The following SLC38A5 variants were observed in gnomAD, a reference collection of about 807,000 sequenced individuals.
SLC38A5 encodes the protein solute carrier family 38 member 5, also known as sodium-coupled neutral amino acid transporter 5.
A neutral mutation model predicts 34.6 loss-of-function variants in SLC38A5; 9 were observed. The observed-to-expected ratio is 0.26, with a 90% CI of 0.16 to 0.45. The LOEUF is 0.45. Ranked by LOEUF, SLC38A5 falls within the 20% of genes least tolerant of loss-of-function variation. SLC38A5 has a pLI of 1.00. For synonymous variants in SLC38A5, 157 were observed against 155.6 expected (o/e 1.01, Z -0.07); for missense variants, 253 against 394.7 (o/e 0.64, Z 3.04).
chrX:48,463,695 T>G (rs781949360), intron 8 of SLC38A5, among the ~76,000 whole-genome samples: 19 of 101,227 alleles, frequency 1.9e-4, no homozygotes, highest in Non-Finnish European at 3.8e-4. Flanking sequence ...GAGAATCACT[T>G]GAACCCAGGA....
intron 4 of SLC38A5, 31 bp from the exon 5 acceptor site, chrX:48,467,108 A>G (rs1556963669): frequency 8.8e-7 from 1 of 1,137,323 alleles, no homozygotes; most frequent in South Asian, 1.9e-5. Context: ...CCGGGCACAC[A>G]TTGGGACAGG....
intron 16 of SLC38A5, 160 bp from the exon 17 acceptor site, chrX:48,459,194 G>T: frequency 1.8e-6 from 1 of 554,611 alleles, no homozygotes; most frequent in Non-Finnish European, 2.9e-6. Flanking sequence ...CCCTTTCTGC[G>T]AGTCCTTCCA....
intron 6 of SLC38A5, 70 bp from the exon 7 acceptor site, chrX:48,466,392 C>T (rs1260909720): frequency 4.7e-6 from 5 of 1,071,696 alleles, no homozygotes; most frequent in Admixed American, 5.3e-5. Flanking sequence ...CCAGAGGGCC[C>T]AGGAGCTGGG....
chrX:48,466,393 AGGAGCTGG>A lies in SLC38A5; in HGVS notation c.320-79_320-72del, dbSNP rs1358184237. On this transcript the variant is annotated intron_variant, in intron 6 of 16. Coordinates refer to ENST00000620913, the MANE Select transcript of SLC38A5 (RefSeq NM_033518.4). ...GCCAGAGGTGCAGGCCAGAGGGCCC[AGGAGCTGG>A]GGAGTTGGGGCTTGGGGGAACCGGC... The A allele has an allele frequency of 1.0e-5, 11 of 1,058,447 alleles. No individual in the cohort carries two copies. In the East Asian group the frequency reaches 3.6e-4, roughly 35 times the overall value. The allele number at this position is 1,058,447 out of a possible 1,213,427, so 87.2% of individuals were successfully genotyped here.
At position 48,462,157 on chromosome X, in the gene SLC38A5, G is replaced by T. The variant is rs2061438945; in HGVS notation, c.634-13C>A. The stretch of plus-strand genomic sequence containing the variant: ...TCTTGTAGATGACCTGAGGATGGGG[G>T]CAGCAGGGAAGCCAGGTCATGGAGG... On this transcript the variant is annotated splice_polypyrimidine_tract_variant and intron_variant, in intron 10 of 16. Coordinates refer to ENST00000620913, the MANE Select transcript of SLC38A5 (RefSeq NM_033518.4). 1 of 1,207,863 alleles carries T rather than the reference G, an allele frequency of 8.3e-7. No individual in the cohort carries two copies. The highest frequency in any genetic ancestry group is 1.8e-5 in the African/African-American group (1 of 57,075).
At chrX:48,463,466 C>T (rs1167100607) in intron 8 of SLC38A5, among the ~76,000 whole-genome samples, 2 of 110,108 alleles carry the variant, frequency 1.8e-5, no homozygotes, top group Non-Finnish European at 3.8e-5. Flanking sequence ...ATTAGCCAGG[C>T]GTGGTGGGGA....
chrX:48,459,719 G>A lies in SLC38A5; in HGVS notation c.1213+13C>T, dbSNP rs374538145. 3 of 1,209,213 alleles carry A rather than the reference G, an allele frequency of 2.5e-6. No homozygotes were observed. Among genetic ancestry groups the A allele is most frequent in the South Asian group, 3.6e-5 (2 of 56,328 alleles). On this transcript the variant is annotated intron_variant, in intron 15 of 16. Coordinates refer to ENST00000620913, the MANE Select transcript of SLC38A5 (RefSeq NM_033518.4). ...ATTAGATGGGGTATGGGACTGGGGTGAGGTTTACTGACCGATAACTCCAAA... is the reference window on the plus strand; with the variant it reads ...ATTAGATGGGGTATGGGACTGGGGTAAGGTTTACTGACCGATAACTCCAAA...
At chrX:48,460,062 C>A (rs1303547268) in intron 14 of SLC38A5, among the ~76,000 whole-genome samples, 186 bp from the exon 15 acceptor site, 1 of 111,553 alleles carries the variant, frequency 9.0e-6, no homozygotes, top group Admixed American at 9.5e-5. Context: ...TTCCTGCCTC[C>A]ATCCTCTGAC....
chrX:48,468,240 C>T, intron 2 of SLC38A5: 1 of 954,890 alleles, frequency 1.0e-6, no homozygotes, highest in Non-Finnish European at 1.3e-6. Context: ...GAGAGCCGGA[C>T]CCCAGCGCAG....
At chrX:48,462,669 C>T (rs1383107225) in intron 9 of SLC38A5, among the ~76,000 whole-genome samples, 2 of 110,561 alleles carry the variant, frequency 1.8e-5, no homozygotes, top group Admixed American at 1.9e-4. Flanking sequence ...ACTCCAAACA[C>T]CTAGTCTAGC....
At position 48,467,927 on chromosome X, in the gene SLC38A5, T is replaced by G; in HGVS notation, c.-1-2A>C. On this transcript the variant is annotated splice_acceptor_variant, in intron 2 of 16. Transcript: ENST00000620913. LOFTEE classifies it low-confidence loss of function (5UTR_SPLICE). ...ATCTTTGGATCCTGCAGTTCCATCC[T>G]GTGGGCAAAGAAATGGGGTGGGGGG... is the stretch of plus-strand genomic sequence containing the variant. 2.5e-6 allele frequency: 3 copies of G among 1,201,529 alleles called. No homozygotes were observed. Among genetic ancestry groups the G allele is most frequent in the Non-Finnish European group, 3.4e-6 (3 of 890,193 alleles).
chrX:48,460,688 C>G lies in SLC38A5; in HGVS notation c.1029G>C (p.Leu343=), dbSNP rs782210012. Residue 343 remains leucine, a synonymous_variant, in exon 14 of 17, where the codon CTG becomes CTC. Coordinates refer to ENST00000620913, the MANE Select transcript of SLC38A5 (RefSeq NM_033518.4). ...CTGGCACAGTGAGGGTCACCGCGAG[C>G]AGCACGGCCAGGCGCACACAGAGGA... The part of the protein sequence containing the change: ...PLILCVRLAV[L]LAVTLTVPVV... 4.0e-5 allele frequency: 48 copies of G among 1,210,574 alleles called. No homozygotes were observed. Among genetic ancestry groups the G allele is most frequent in the Non-Finnish European group, 4.6e-5 (41 of 895,410 alleles).
At chrX:48,467,479 T>G in intron 4 of SLC38A5, 1 of 424,653 alleles carries the variant, frequency 2.4e-6, no homozygotes, top group Non-Finnish European at 4.1e-6. Context: ...GGGCAGTCAC[T>G]GGGCCGAAGA....
At chrX:48,468,866 AC>A in intron 2 of SLC38A5, 1 of 749,485 alleles carries the variant, frequency 1.3e-6, no homozygotes, top group Non-Finnish European at 1.6e-6. Flanking sequence ...TTCATCAAAG[AC>A]CCCCTCCCGT....
intron 2 of SLC38A5, chrX:48,468,258 G>A (rs782161864): frequency 2.2e-6 from 2 of 920,317 alleles, no homozygotes; most frequent in South Asian, 3.9e-5. Context: ...CAGATGAGCC[G>A]ACCACGTGGA....
At position 48,458,649 on chromosome X, in the gene SLC38A5, C is replaced by T; in HGVS notation, c.*284G>A. ...GGACTGGGCTGGGCAAAGGCTCCAC[C>T]AGGACCTGGCCTCCTCCTCCTCCTC... On this transcript the variant is annotated 3_prime_UTR_variant, in exon 17 of 17. Transcript: ENST00000620913. 2 of 972,833 alleles carry T rather than the reference C, an allele frequency of 2.1e-6. No homozygotes were observed. The highest frequency in any genetic ancestry group is 2.6e-6 in the Non-Finnish European group (2 of 777,006). 80.2% of individuals were successfully genotyped at this position (972,833 alleles called of 1,213,427 possible).
In SLC38A5 at chrX:48,463,589, A is replaced by C. The variant is rs782735817; in HGVS notation, c.492-609T>G. On this transcript the variant is annotated intron_variant, in intron 8 of 16. Coordinates refer to ENST00000620913, the MANE Select transcript of SLC38A5 (RefSeq NM_033518.4). ...CCACTGCACTCCAGCCTGGGCGACA[A>C]AGGGAGACTCTGTCTCAAAAAAATA... is the stretch of plus-strand genomic sequence containing the variant. Among the ~76,000 whole-genome samples, 5 of 100,550 alleles carry C rather than the reference A, an allele frequency of 5.0e-5. No homozygotes were observed. In the East Asian group the frequency reaches 1.6e-3, roughly 31 times the overall value. 87.3% of individuals were successfully genotyped at this position (100,550 alleles called of 115,157 possible). A position where few individuals can be genotyped will look rare whatever the true frequency, so the allele number is the denominator to read the frequency against.
intron 8 of SLC38A5, among the ~76,000 whole-genome samples, chrX:48,464,601 G>T (rs1307153324): frequency 4.5e-5 from 5 of 112,070 alleles, no homozygotes; most frequent in Non-Finnish European, 9.4e-5. Context: ...TTCAAGACCA[G>T]CCTGGCCAAC....
At chrX:48,463,654 G>A (rs2061450590) in intron 8 of SLC38A5, among the ~76,000 whole-genome samples, 2 of 104,665 alleles carry the variant, frequency 1.9e-5, no homozygotes, top group African/African-American at 3.5e-5. Flanking sequence ...GCGCGTGCCT[G>A]TAATCCCAGC....
Sources: allele counts gnomAD v4.1 joint callset (sites outside exome capture counted in the v4.1 genomes callset), GRCh38; gene constraint gnomAD v4.1.1; transcripts MANE v1.5; gene names NCBI Gene and HGNC (gene_info 2026-07-23, HGNC 2026-07-21).